FAM174A: variants seen among roughly 807,000 people sequenced by gnomAD.
FAM174A encodes the protein family with sequence similarity 174 member A.
A neutral mutation model predicts 14.3 loss-of-function variants in FAM174A; 14 were observed. The ratio of observed to expected loss-of-function variants is 0.98; its 90% confidence interval spans 0.65 to 1.53. The LOEUF (loss-of-function observed/expected upper bound fraction) is 1.53, where lower values mean the gene tolerates loss of function less well. Among genes scored for constraint, FAM174A ranks in the 40% most tolerant of loss-of-function variants. The pLI is 0.00. For synonymous variants in FAM174A, 108 were observed against 111.4 expected (o/e 0.97, Z 0.19); for missense variants, 241 against 249.6 (o/e 0.97, Z 0.23).
intron 1 of FAM174A, among the ~76,000 whole-genome samples, chr5:100,543,776 A>C (rs889258566): frequency 2.0e-5 from 3 of 152,150 alleles, no homozygotes; most frequent in African/African-American, 7.2e-5. Context: ...TCTCTAGTGA[A>C]CTATATTTTT....
At chr5:100,554,895 A>G (rs963173835) in intron 1 of FAM174A, among the ~76,000 whole-genome samples, 3 of 151,140 alleles carry the variant, frequency 2.0e-5, no homozygotes, top group African/African-American at 7.3e-5. Context: ...ATACTATCTA[A>G]TTTTTTTTTA....
intron 1 of FAM174A, among the ~76,000 whole-genome samples, chr5:100,543,140 TA>T (rs1746095294): frequency 6.6e-6 from 1 of 152,132 alleles, no homozygotes; most frequent in Non-Finnish European, 1.5e-5. Context: ...GTCCATTAGA[TA>T]TACTAGCTGC....
chr5:100,574,870 T>A (rs1233968465), intron 2 of FAM174A, among the ~76,000 whole-genome samples: 1 of 152,182 alleles, frequency 6.6e-6, no homozygotes, highest in Non-Finnish European at 1.5e-5. Flanking sequence ...TGACAGCTGC[T>A]TGTTAATAAA....
chr5:100,553,108 T>C (rs1450249542), intron 1 of FAM174A, among the ~76,000 whole-genome samples: 1 of 152,088 alleles, frequency 6.6e-6, no homozygotes, highest in Non-Finnish European at 1.5e-5. Context: ...AACACACATA[T>C]AGATGAGTTT....
intron 1 of FAM174A, among the ~76,000 whole-genome samples, chr5:100,560,540 A>G (rs6890035): frequency 0.24 from 36,063 of 151,896 alleles, 4,619 homozygotes; most frequent in Admixed American, 0.34. Flanking sequence ...CTTTGTTTGT[A>G]CTCACACTTA....
chr5:100,565,393 G>T (rs1204876420), intron 2 of FAM174A, among the ~76,000 whole-genome samples: 1 of 151,332 alleles, frequency 6.6e-6, no homozygotes, highest in Non-Finnish European at 1.5e-5. Context: ...TTTAATAATG[G>T]GACAAAATAT....
intron 1 of FAM174A, among the ~76,000 whole-genome samples, chr5:100,550,238 G>A (rs1405580822): frequency 6.6e-6 from 1 of 152,140 alleles, no homozygotes; most frequent in Non-Finnish European, 1.5e-5. Flanking sequence ...CCTGATGTGA[G>A]TACATGTTTA....
At chr5:100,585,478 A>G (rs1248712039) in intron 2 of FAM174A, among the ~76,000 whole-genome samples, 1 of 152,134 alleles carries the variant, frequency 6.6e-6, no homozygotes, top group African/African-American at 2.4e-5. Context: ...CGGTGGCACA[A>G]TCTCTGCTAA....
intron 2 of FAM174A, among the ~76,000 whole-genome samples, chr5:100,567,498 A>C (rs1007337889): frequency 2.6e-5 from 4 of 151,806 alleles, no homozygotes; most frequent in African/African-American, 9.7e-5. Flanking sequence ...TTCTTCGAGG[A>C]GCATATATTC....
At chr5:100,568,773 C>T (rs1480612299) in intron 2 of FAM174A, among the ~76,000 whole-genome samples, 1 of 151,830 alleles carries the variant, frequency 6.6e-6, no homozygotes, top group Non-Finnish European at 1.5e-5. Flanking sequence ...CTCACTGTCC[C>T]ATCATGTCCA....
intron 1 of FAM174A, 43 bp from the exon 2 acceptor site, chr5:100,562,011 C>A: frequency 9.3e-7 from 1 of 1,074,624 alleles, no homozygotes. Context: ...TAAACTATGC[C>A]ATATTAAATA....
chr5:100,581,501 C>A, intron 2 of FAM174A: 2 of 534,858 alleles, frequency 3.7e-6, no homozygotes, highest in Non-Finnish European at 4.8e-6. Flanking sequence ...GCCTGTGATC[C>A]CAACACTTTG....
chr5:100,571,928 A>G (rs544805137), intron 2 of FAM174A, among the ~76,000 whole-genome samples: 6 of 151,946 alleles, frequency 3.9e-5, no homozygotes, highest in African/African-American at 1.4e-4. Context: ...TTAGCCACAT[A>G]TTTTGTAAAC....
chr5:100,571,027 G>A (rs184217365), intron 2 of FAM174A, among the ~76,000 whole-genome samples: 1 of 151,798 alleles, frequency 6.6e-6, no homozygotes, highest in Admixed American at 6.6e-5. Context: ...ATAGTCCTGA[G>A]ACAAATCCTT....
intron 2 of FAM174A, chr5:100,581,443 A>G (rs956743226): frequency 5.3e-6 from 5 of 947,764 alleles, no homozygotes; most frequent in South Asian, 4.9e-5. Context: ...TTTTAAAGAT[A>G]TAAGTTAATC....
intron 1 of FAM174A, among the ~76,000 whole-genome samples, chr5:100,554,890 A>T (rs983209327): frequency 6.6e-6 from 1 of 152,058 alleles, no homozygotes; most frequent in African/African-American, 2.4e-5. Flanking sequence ...ATAAAATACT[A>T]TCTAATTTTT....
Position 100,586,664 on chromosome 5 carries a change from G to A in FAM174A, c.*480G>A, listed in dbSNP as rs1270766792. 6.6e-6 allele frequency: 1 copy of A among 152,092 alleles called. No individual in the cohort carries two copies. Among genetic ancestry groups the A allele is most frequent in the East Asian group, 1.9e-4 (1 of 5,200 alleles). 9.4% of individuals were successfully genotyped at this position (152,092 alleles called of 1,614,324 possible). On this transcript the variant is annotated 3_prime_UTR_variant, in exon 3 of 3. Coordinates refer to ENST00000312637, the MANE Select transcript of FAM174A (RefSeq NM_198507.3). ...AAAGAAGCCAAATTTATTACTTTGT[G>A]TTGGGGTTTTTAAAATATTAAGAAA...
intron 2 of FAM174A, among the ~76,000 whole-genome samples, chr5:100,572,571 G>A (rs1000277656): frequency 9.2e-5 from 14 of 151,876 alleles, no homozygotes; most frequent in Non-Finnish European, 1.5e-4. Context: ...TCCCTACAAA[G>A]GACATGAACT....
At chr5:100,550,701 A>G (rs1005374382) in intron 1 of FAM174A, among the ~76,000 whole-genome samples, 1 of 152,170 alleles carries the variant, frequency 6.6e-6, no homozygotes, top group Non-Finnish European at 1.5e-5. Flanking sequence ...GTGGAAGCCA[A>G]TAGTAGAGGT....
Sources: gnomAD v4.1 joint callset for allele counts (sites outside exome capture counted in the v4.1 genomes callset) on GRCh38, gnomAD v4.1.1 for gene constraint, MANE v1.5 for transcripts, NCBI Gene and HGNC (gene_info 2026-07-23, HGNC 2026-07-21) for gene names.